PICALM: variants seen among roughly 807,000 people sequenced by gnomAD.
The protein encoded by PICALM is phosphatidylinositol binding clathrin assembly protein, also known as phosphatidylinositol-binding clathrin assembly protein.
PICALM carries 40 observed loss-of-function variants against 80.5 expected under a neutral mutation model. The observed-to-expected ratio is 0.50, with a 90% CI of 0.39 to 0.65. The LOEUF is 0.65. Among genes scored for constraint, PICALM ranks in the 30% least tolerant of loss-of-function variants. PICALM has a pLI of 0.00. For synonymous variants in PICALM, 288 were observed against 260.3 expected (o/e 1.11, Z -1.02); for missense variants, 676 against 778.9 (o/e 0.87, Z 1.57).
intron 4 of PICALM, 90 bp from the exon 5 acceptor site, chr11:86,015,053 G>C (rs1463799618): frequency 8.6e-6 from 6 of 698,682 alleles, no homozygotes; most frequent in African/African-American, 7.6e-5. Flanking sequence ...CTAAAACAGA[G>C]AACCAAGTTG....
chr11:85,991,318 T>C (rs994340444), intron 12 of PICALM, among the ~76,000 whole-genome samples: 27 of 152,314 alleles, frequency 1.8e-4, no homozygotes, highest in Middle Eastern at 3.4e-3. Context: ...AACAGTGGAA[T>C]CTTCTTGTCT....
chr11:86,022,869 A>C (rs1033107790), intron 3 of PICALM, among the ~76,000 whole-genome samples: 17 of 152,152 alleles, frequency 1.1e-4, no homozygotes, highest in Non-Finnish European at 1.9e-4. Flanking sequence ...TATAATTTTT[A>C]TACTCCTAAA....
chr11:86,025,849 G>T (rs1045763273), intron 3 of PICALM, among the ~76,000 whole-genome samples: 2 of 152,102 alleles, frequency 1.3e-5, no homozygotes, highest in East Asian at 1.9e-4. Context: ...ATGAGCCACC[G>T]TACCCAGCCT....
chr11:85,974,601 G>T (rs1456856841), intron 19 of PICALM, 107 bp downstream of exon 19: 3 of 770,408 alleles, frequency 3.9e-6, no homozygotes, highest in Non-Finnish European at 4.8e-6. Context: ...CATAATGAAG[G>T]TAGAAAGTGC....
intron 1 of PICALM, among the ~76,000 whole-genome samples, chr11:86,057,107 T>C (rs985028010): frequency 6.6e-6 from 1 of 152,178 alleles, no homozygotes; most frequent in Non-Finnish European, 1.5e-5. Context: ...CACACAACAC[T>C]GTGAACATAC....
chr11:86,014,674 C>G (rs2095452177), intron 5 of PICALM, among the ~76,000 whole-genome samples, 196 bp downstream of exon 5: 1 of 152,004 alleles, frequency 6.6e-6, no homozygotes. Flanking sequence ...GCTAGAGAAG[C>G]ACTAAAGAAA....
At chr11:85,989,370 A>G (rs1175483246) in intron 13 of PICALM, among the ~76,000 whole-genome samples, 1 of 152,120 alleles carries the variant, frequency 6.6e-6, no homozygotes, top group Non-Finnish European at 1.5e-5. Flanking sequence ...TATATATCTA[A>G]GAGAATATTT....
At chr11:86,051,398 C>A (rs2096183867) in intron 1 of PICALM, among the ~76,000 whole-genome samples, 1 of 152,214 alleles carries the variant, frequency 6.6e-6, no homozygotes. Flanking sequence ...TGGTGGCTCA[C>A]TCCTGTAATC....
chr11:86,065,590 G>C (rs929077762), intron 1 of PICALM, among the ~76,000 whole-genome samples: 4 of 152,160 alleles, frequency 2.6e-5, no homozygotes, highest in Non-Finnish European at 4.4e-5. Context: ...GAGATGATGA[G>C]AAAGTGCCTG....
chr11:86,058,724 G>C (rs2096307906), intron 1 of PICALM, among the ~76,000 whole-genome samples: 1 of 152,050 alleles, frequency 6.6e-6, no homozygotes, highest in Non-Finnish European at 1.5e-5. Flanking sequence ...GATATCATCT[G>C]TTAAGTGTGC....
intron 5 of PICALM, among the ~76,000 whole-genome samples, chr11:86,013,940 T>A (rs753242595): frequency 6.6e-6 from 1 of 152,212 alleles, no homozygotes; most frequent in Non-Finnish European, 1.5e-5. Flanking sequence ...GACACTGAAG[T>A]TGGAATTTCA....
intron 1 of PICALM, among the ~76,000 whole-genome samples, chr11:86,044,981 T>G (rs1452753059): frequency 6.6e-6 from 1 of 152,232 alleles, no homozygotes; most frequent in African/African-American, 2.4e-5. Context: ...TGTAAGCCAC[T>G]GAGTAACAAG....
chr11:86,002,272 A>T (rs1239375005), intron 9 of PICALM, among the ~76,000 whole-genome samples: 1 of 152,204 alleles, frequency 6.6e-6, no homozygotes, highest in Admixed American at 6.5e-5. Flanking sequence ...AAATCCAATA[A>T]CGGCATTTCC....
intron 19 of PICALM, among the ~76,000 whole-genome samples, chr11:85,974,156 A>G (rs1211487670): frequency 2.0e-5 from 3 of 152,230 alleles, no homozygotes; most frequent in Non-Finnish European, 4.4e-5. Flanking sequence ...CGTCAAGAGG[A>G]AAGTCTCTGG....
chr11:85,977,655 G>T (rs919737782), intron 17 of PICALM, among the ~76,000 whole-genome samples: 2 of 152,146 alleles, frequency 1.3e-5, no homozygotes, highest in African/African-American at 4.8e-5. Flanking sequence ...GGACTTATTG[G>T]TCTCTCCCTA....
intron 1 of PICALM, among the ~76,000 whole-genome samples, chr11:86,040,171 T>C (rs2095933021): frequency 6.6e-6 from 1 of 151,950 alleles, no homozygotes; most frequent in Admixed American, 6.5e-5. Context: ...ATTAGAAAGA[T>C]CTTACACAAA....
intron 13 of PICALM, among the ~76,000 whole-genome samples, chr11:85,990,046 A>G (rs112082731): frequency 2.0e-5 from 3 of 151,414 alleles, no homozygotes; most frequent in African/African-American, 7.3e-5. Flanking sequence ...CATCAAGAGA[A>G]ATTTTCCTAA....
chr11:85,986,259 T>C (rs2094566959), intron 13 of PICALM, among the ~76,000 whole-genome samples: 1 of 151,950 alleles, frequency 6.6e-6, no homozygotes, highest in African/African-American at 2.4e-5. Context: ...TTTTAAGTAA[T>C]TACTGCATGC....
chr11:85,969,520 G>A (rs755933463), intron 19 of PICALM: 2 of 206,954 alleles, frequency 9.7e-6, no homozygotes, highest in Non-Finnish European at 2.1e-5. Flanking sequence ...TGAAAAAAAG[G>A]GAACAAAACA....
Sources: allele counts gnomAD v4.1 joint callset (sites outside exome capture counted in the v4.1 genomes callset), GRCh38; gene constraint gnomAD v4.1.1; transcripts MANE v1.5; gene names NCBI Gene and HGNC (gene_info 2026-07-23, HGNC 2026-07-21).